Variants in CACNA2D1 observed in about 807,000 individuals in gnomAD.
CACNA2D1 encodes voltage-dependent calcium channel subunit alpha-2/delta-1.
In CACNA2D1, 53 loss-of-function variants were observed where a neutral mutation model predicts 171.5. That is an observed-to-expected ratio of 0.31 (90% CI 0.25 to 0.39). CACNA2D1 has a LOEUF of 0.39. Ranked by LOEUF, CACNA2D1 falls within the 10% of genes least tolerant of loss-of-function variation. CACNA2D1 has a pLI of 1.00. For synonymous variants in CACNA2D1, 442 were observed against 443.1 expected (o/e 1.00, Z 0.03); for missense variants, 903 against 1,299.8 (o/e 0.69, Z 4.69).
chr7:82,232,478 T>C (rs961338515), intron 3 of CACNA2D1, among the ~76,000 whole-genome samples: 2 of 152,156 alleles, frequency 1.3e-5, no homozygotes, highest in Middle Eastern at 3.2e-3. Context: ...TCATATGCCA[T>C]AGTTTGTACT....
intron 1 of CACNA2D1, among the ~76,000 whole-genome samples, chr7:82,439,720 G>GA (rs1482898653): frequency 6.6e-6 from 1 of 151,100 alleles, no homozygotes; most frequent in Admixed American, 6.6e-5. Context: ...TACTTACGTG[G>GA]AAAAATATAT....
At chr7:82,283,149 G>A (rs952592457) in intron 3 of CACNA2D1, among the ~76,000 whole-genome samples, 1 of 151,010 alleles carries the variant, frequency 6.6e-6, no homozygotes, top group Non-Finnish European at 1.5e-5. Context: ...ATCTAACTGC[G>A]GCTATTAAAA....
chr7:82,395,415 T>C (rs1217159883), intron 1 of CACNA2D1, among the ~76,000 whole-genome samples: 2 of 152,228 alleles, frequency 1.3e-5, no homozygotes, highest in African/African-American at 4.8e-5. Flanking sequence ...ATCCACGGCA[T>C]TCTGCTTTTC....
chr7:82,408,046 A>T (rs1827249919), intron 1 of CACNA2D1, among the ~76,000 whole-genome samples: 1 of 144,370 alleles, frequency 6.9e-6, no homozygotes, highest in Non-Finnish European at 1.5e-5. Flanking sequence ...TTTGAGACTG[A>T]GTCTCACTTT....
chr7:82,094,899 C>T (rs1811676348), intron 6 of CACNA2D1, among the ~76,000 whole-genome samples: 9 of 151,474 alleles, frequency 5.9e-5, no homozygotes, highest in Admixed American at 4.0e-4. Flanking sequence ...CTTTAAATAC[C>T]CTCCCTCCCT....
intron 3 of CACNA2D1, among the ~76,000 whole-genome samples, chr7:82,312,000 G>T (rs925989540): frequency 1.3e-5 from 2 of 152,022 alleles, no homozygotes; most frequent in African/African-American, 4.8e-5. Flanking sequence ...ATTCAGACTG[G>T]TATTATAGAC....
chr7:82,111,313 T>TATACAC (rs1421438211), intron 6 of CACNA2D1, among the ~76,000 whole-genome samples: 1 of 103,290 alleles, frequency 9.7e-6, no homozygotes, highest in Non-Finnish European at 2.1e-5. Context: ...TATATATATA[T>TATACAC]ACGTGTATAT....
At chr7:82,137,707 TAAAAAAA>T (rs1174278503) in intron 4 of CACNA2D1, among the ~76,000 whole-genome samples, 13 of 78,830 alleles carry the variant, frequency 1.6e-4, no homozygotes, top group East Asian at 4.0e-4. Context: ...CCGTCTCTAC[TAAAAAAA>T]AAAAAAAAAA....
chr7:82,436,650 G>A lies in CACNA2D1; in HGVS notation c.95+6715C>T, dbSNP rs1830136764. Among the ~76,000 whole-genome samples, 3 of 152,256 alleles carry A rather than the reference G, an allele frequency of 2.0e-5. No individual in the cohort carries two copies. In the South Asian group the frequency reaches 6.2e-4, roughly 32 times the overall value. ...GAAAAATAACCAACTGCTACCTTTA[G>A]TATCTTTAATGTAATTTTGCACCTC... On this transcript the variant is annotated intron_variant, in intron 1 of 38. Transcript: ENST00000356860.
chr7:81,962,313 A>C, intron 35 of CACNA2D1, 127 bp downstream of exon 35: 1 of 793,556 alleles, frequency 1.3e-6, no homozygotes, highest in Non-Finnish European at 2.1e-6. Context: ...TCTAGCTCTA[A>C]AATTATGAGA....
chr7:82,371,632 G>C (rs1174055182), intron 1 of CACNA2D1, among the ~76,000 whole-genome samples: 2 of 151,930 alleles, frequency 1.3e-5, no homozygotes, highest in African/African-American at 4.8e-5. Context: ...CCAGGCCAGA[G>C]TGCAATCGCA....
At chr7:82,176,143 T>C (rs561138038) in intron 3 of CACNA2D1, among the ~76,000 whole-genome samples, 1 of 152,180 alleles carries the variant, frequency 6.6e-6, no homozygotes, top group South Asian at 2.1e-4. Context: ...TGTGACACCT[T>C]ATTTTTTCTG....
intron 10 of CACNA2D1, among the ~76,000 whole-genome samples, chr7:82,039,658 C>G (rs1337334878): frequency 6.6e-6 from 1 of 152,110 alleles, no homozygotes; most frequent in East Asian, 1.9e-4. Flanking sequence ...AGAGGCATTT[C>G]TAATTTGGAC....
chr7:82,012,846 A>G (rs1276276555), intron 14 of CACNA2D1, among the ~76,000 whole-genome samples: 1 of 152,100 alleles, frequency 6.6e-6, no homozygotes, highest in Non-Finnish European at 1.5e-5. Flanking sequence ...ATCTTCAGCT[A>G]TGTTTAAAAA....
intron 38 of CACNA2D1, among the ~76,000 whole-genome samples, chr7:81,957,150 C>T (rs1018026264): frequency 4.6e-5 from 7 of 151,986 alleles, no homozygotes; most frequent in East Asian, 3.9e-4. Flanking sequence ...GAGATAACCA[C>T]CTCTAAAAAT....
intron 4 of CACNA2D1, among the ~76,000 whole-genome samples, chr7:82,151,491 G>T (rs952613574): frequency 3.3e-5 from 5 of 152,046 alleles, no homozygotes; most frequent in Admixed American, 1.3e-4. Flanking sequence ...AGTTGTTTTG[G>T]CTTCTCATTT....
chr7:82,222,898 C>A (rs981122720), intron 3 of CACNA2D1, among the ~76,000 whole-genome samples: 1 of 124,544 alleles, frequency 8.0e-6, no homozygotes, highest in Non-Finnish European at 1.8e-5. Flanking sequence ...TTCTTTCTTT[C>A]TTTTTTTTTT....
chr7:82,217,394 C>CATACATATATATATATATATATAT (rs1554466924), intron 3 of CACNA2D1, among the ~76,000 whole-genome samples: 1 of 102,540 alleles, frequency 9.8e-6, no homozygotes, highest in African/African-American at 5.5e-5. Context: ...CACACACATA[C>CATACATATATATATATATATATAT]ATATATATAT....
chr7:82,193,034 C>CTT (rs905500918), intron 3 of CACNA2D1, among the ~76,000 whole-genome samples: 1 of 151,860 alleles, frequency 6.6e-6, no homozygotes, highest in Non-Finnish European at 1.5e-5. Flanking sequence ...TCCCAGTCCC[C>CTT]TTTGTCTGAT....
Sources: gnomAD v4.1 joint callset for allele counts (sites outside exome capture counted in the v4.1 genomes callset) on GRCh38, gnomAD v4.1.1 for gene constraint, MANE v1.5 for transcripts, NCBI Gene and HGNC (gene_info 2026-07-23, HGNC 2026-07-21) for gene names.